Variants in OR56A3 observed in about 807,000 individuals in gnomAD.
The protein encoded by OR56A3 is olfactory receptor family 56 subfamily A member 3, also known as olfactory receptor 56A3.
OR56A3 carries 23 observed loss-of-function variants against 17.5 expected under a neutral mutation model. The observed-to-expected ratio is 1.32, with a 90% CI of 0.95 to 1.87. The LOEUF is 1.87. OR56A3 is among the 40% of genes most tolerant of loss of function. The probability of loss-of-function intolerance (pLI) is 0.00; values close to 1 mark genes in which losing one functional copy is unlikely to be tolerated. For missense variants in OR56A3, 366 were observed against 380.1 expected, an observed-to-expected ratio of 0.96 and a Z score of 0.31; for synonymous variants, 175 against 150.6, an observed-to-expected ratio of 1.16 and a Z score of -1.19.
chr11:5,980,033 T>C, the OR56A3 span, among the ~76,000 whole-genome samples: 3 of 152,284 alleles, frequency 2.0e-5, no homozygotes, highest in South Asian at 6.2e-4. Flanking sequence ...ATTTTTGTTG[T>C]GCTGTTATCT....
chr11:5,992,534 G>T, the OR56A3 span, among the ~76,000 whole-genome samples: 7 of 152,148 alleles, frequency 4.6e-5, no homozygotes, highest in African/African-American at 1.7e-4. Context: ...GCAAATCTCT[G>T]CTTCAGAGTG....
the OR56A3 span, among the ~76,000 whole-genome samples, chr11:5,960,568 T>C: frequency 2.0e-5 from 3 of 152,208 alleles, no homozygotes; most frequent in South Asian, 2.1e-4. Flanking sequence ...GTGCTCAATG[T>C]TGCCCAGGCC....
At chr11:5,953,017 G>A (rs578067481), downstream of OR56A3, among the ~76,000 whole-genome samples, 1 of 152,308 alleles carries the variant, frequency 6.6e-6, no homozygotes, top group South Asian at 2.1e-4. Flanking sequence ...GTATTCTAAG[G>A]TGTATATGTA....
chr11:5,977,832 T>C, the OR56A3 span, among the ~76,000 whole-genome samples: 3 of 152,232 alleles, frequency 2.0e-5, no homozygotes, highest in Admixed American at 1.3e-4. Flanking sequence ...TTATAGGATT[T>C]TATAGCTTAA....
chr11:6,017,573 C>T, the OR56A3 span, among the ~76,000 whole-genome samples: 1 of 152,136 alleles, frequency 6.6e-6, no homozygotes, highest in African/African-American at 2.4e-5. Context: ...ATTCAATCGC[C>T]TCTCACTAGG....
chr11:5,986,392 A>G, the OR56A3 span: 1 of 1,613,962 alleles, frequency 6.2e-7, no homozygotes, highest in East Asian at 2.2e-5. Flanking sequence ...TGTTCCCAAC[A>G]AAATGGGGAA....
the OR56A3 span, among the ~76,000 whole-genome samples, chr11:5,996,604 AT>A: frequency 6.6e-6 from 1 of 152,112 alleles, no homozygotes; most frequent in Non-Finnish European, 1.5e-5. Flanking sequence ...GTTCTTTCAC[AT>A]AAGATGTATT....
At chr11:5,943,770 C>A (rs1159214725) in intron 1 of OR56A3, among the ~76,000 whole-genome samples, 2 of 152,088 alleles carry the variant, frequency 1.3e-5, no homozygotes, top group African/African-American at 2.4e-5. Context: ...ATACAACTAA[C>A]CAAGAGGCTG....
the OR56A3 span, among the ~76,000 whole-genome samples, chr11:5,974,377 T>C: frequency 6.6e-6 from 1 of 152,164 alleles, no homozygotes; most frequent in African/African-American, 2.4e-5. Context: ...AGTGCTAGGA[T>C]TACAGGCATG....
At chr11:5,960,591 C>A in the OR56A3 span, among the ~76,000 whole-genome samples, 3,060 of 152,282 alleles carry the variant, frequency 0.02, 97 homozygotes, top group African/African-American at 0.067. Context: ...AGTGCAGTGG[C>A]GTGATCTCGG....
At chr11:5,942,567 G>C (rs1225965307) in intron 1 of OR56A3, among the ~76,000 whole-genome samples, 193 bp downstream of exon 1, 1 of 152,164 alleles carries the variant, frequency 6.6e-6, no homozygotes, top group African/African-American at 2.4e-5. Context: ...AAATTTAGTG[G>C]CTTGAAAACA....
At chr11:6,001,703 T>A in the OR56A3 span, 1 of 178,406 alleles carries the variant, frequency 5.6e-6, no homozygotes, top group African/African-American at 2.4e-5. Flanking sequence ...AACAGGCTGA[T>A]CTTTTTAAGG....
At chr11:5,995,316 C>A in the OR56A3 span, among the ~76,000 whole-genome samples, 11 of 152,332 alleles carry the variant, frequency 7.2e-5, no homozygotes, top group South Asian at 2.3e-3. Flanking sequence ...ACACTTATAG[C>A]GTGTTGCAAT....
the OR56A3 span, among the ~76,000 whole-genome samples, chr11:5,982,521 G>A: frequency 2.0e-5 from 3 of 152,108 alleles, no homozygotes; most frequent in South Asian, 6.2e-4. Context: ...GAGCCATGCT[G>A]GGACCCAGAA....
the OR56A3 span, chr11:6,003,104 G>T: frequency 6.2e-7 from 1 of 1,603,704 alleles, no homozygotes; most frequent in Non-Finnish European, 8.5e-7. Flanking sequence ...TTCCACTGAG[G>T]CCCTGTATCT....
At position 5,947,999 on chromosome 11, in the gene OR56A3, TCTTCCTCTC is replaced by T; in HGVS notation, c.656_664del (p.Phe219_Ser221del). On this transcript the variant is annotated inframe_deletion, in exon 3 of 3. Coordinates refer to ENST00000641160, the MANE Select transcript of OR56A3 (RefSeq NM_001003443.3). ...CTGCTAGGATCTGACCTCATCCTTA[TCTTCCTCTC>T]CTACACCTTCATTCTGCGAGCTGTG... 6.2e-7 allele frequency: 1 copy of T among 1,614,226 alleles called. No individual in the cohort carries two copies.
Position 5,948,495 on chromosome 11 carries a change from C to G in OR56A3, c.*201C>G, listed in dbSNP as rs916486789. ...TTCTCAGAAATATTCTTGGCCCTCT[C>G]TCGTTTTATTCCATGCTTATAATCA... On this transcript the variant is annotated 3_prime_UTR_variant, in exon 3 of 3. Coordinates refer to ENST00000641160, the MANE Select transcript of OR56A3 (RefSeq NM_001003443.3). 4 of 541,130 alleles carry G rather than the reference C, an allele frequency of 7.4e-6. No individual in the cohort carries two copies. The highest frequency in any genetic ancestry group is 6.5e-5 in the Admixed American group (2 of 30,690). 33.5% of individuals were successfully genotyped at this position (541,130 alleles called of 1,614,324 possible). A position where few individuals can be genotyped will look rare whatever the true frequency, so the allele number is the denominator to read the frequency against.
chr11:6,015,489 T>C, the OR56A3 span, among the ~76,000 whole-genome samples: 1 of 152,190 alleles, frequency 6.6e-6, no homozygotes. Flanking sequence ...TCCTCCAGAT[T>C]CTGGTATTCT....
intron 2 of OR56A3, among the ~76,000 whole-genome samples, chr11:5,946,685 T>C (rs1353897286): frequency 1.3e-5 from 2 of 152,156 alleles, no homozygotes; most frequent in Non-Finnish European, 2.9e-5. Flanking sequence ...ATCTAAAAAA[T>C]AGAGAGATAT....
Sources: gnomAD v4.1 joint callset for allele counts (sites outside exome capture counted in the v4.1 genomes callset) on GRCh38, gnomAD v4.1.1 for gene constraint, MANE v1.5 for transcripts, NCBI Gene and HGNC (gene_info 2026-07-23, HGNC 2026-07-21) for gene names.